LATS2: variants seen among roughly 807,000 people sequenced by gnomAD.
The protein encoded by LATS2 is serine/threonine-protein kinase LATS2.
Under a neutral mutation model 76.0 loss-of-function variants are expected in LATS2, and 24 were observed. The observed-to-expected ratio is 0.32, with a 90% CI of 0.23 to 0.44. LATS2 has a LOEUF of 0.44. Ranked by LOEUF, LATS2 falls within the 20% of genes least tolerant of loss-of-function variation. The pLI is 1.00. For missense variants in LATS2, 1,286 were observed against 1,481.2 expected (o/e 0.87, Z 2.16); for synonymous variants, 692 against 635.4 (o/e 1.09, Z -1.34).
chr13:21,014,593 G>T (rs1000263774), intron 2 of LATS2, among the ~76,000 whole-genome samples: 8 of 152,340 alleles, frequency 5.3e-5, no homozygotes, highest in African/African-American at 1.9e-4. Context: ...GACATGAGAA[G>T]GAACGACGCT....
chr13:20,998,496 G>A (rs767989086), intron 2 of LATS2, among the ~76,000 whole-genome samples: 2 of 152,238 alleles, frequency 1.3e-5, no homozygotes, highest in Non-Finnish European at 2.9e-5. Flanking sequence ...TTGGAGGATT[G>A]CCAGCAGGGT....
At chr13:21,004,926 T>C (rs1164476936) in intron 2 of LATS2, among the ~76,000 whole-genome samples, 2 of 152,144 alleles carry the variant, frequency 1.3e-5, no homozygotes, top group African/African-American at 4.8e-5. Context: ...TGCCAGGCCA[T>C]GAGCATGACT....
intron 1 of LATS2, among the ~76,000 whole-genome samples, chr13:21,052,745 A>G (rs1229322623): frequency 6.6e-6 from 1 of 152,112 alleles, no homozygotes; most frequent in Non-Finnish European, 1.5e-5. Context: ...CACAGAGAAG[A>G]AAAGCTTAAG....
intron 2 of LATS2, among the ~76,000 whole-genome samples, chr13:21,036,881 G>A (rs1872700494): frequency 6.6e-6 from 1 of 152,196 alleles, no homozygotes; most frequent in Non-Finnish European, 1.5e-5. Context: ...CGTTAGCAGG[G>A]TTGGAAGTAT....
chr13:20,989,071 C>T lies in LATS2; in HGVS notation c.709G>A (p.Ala237Thr), dbSNP rs778693659. 6.9e-6 allele frequency: 11 copies of T among 1,589,216 alleles called. No individual in the cohort carries two copies. Among genetic ancestry groups the T allele is most frequent in the Non-Finnish European group, 9.4e-6 (11 of 1,171,162 alleles). Residue 237 changes from alanine to threonine, a missense_variant, in exon 4 of 8, where the codon GCC becomes ACC. Ala to Thr is a moderately conservative substitution (Grantham distance 58). Transcript: ENST00000382592. ...TGTGCCCCTGCTGCCTCTACGCTGG[C>T]ACCGTAGCCCTTGGGTGGGTGCTGG... ...QHQHPPKGYG[A>T]SVEAAGAHFP...
chr13:21,024,093 C>CAAA (rs748881098), intron 2 of LATS2, among the ~76,000 whole-genome samples: 12 of 79,210 alleles, frequency 1.5e-4, no homozygotes, highest in Admixed American at 2.6e-4. Context: ...TCTCGCTGTG[C>CAAA]AAAAAAAAAA....
chr13:21,025,393 C>CA (rs1171981071), intron 2 of LATS2, among the ~76,000 whole-genome samples: 2,257 of 49,528 alleles, frequency 0.046, 49 homozygotes, highest in African/African-American at 0.11. Context: ...ACTCCGTCTC[C>CA]AAAAAAAAAA....
chr13:21,049,214 C>T (rs1290374820), intron 1 of LATS2, among the ~76,000 whole-genome samples: 1 of 152,076 alleles, frequency 6.6e-6, no homozygotes, highest in African/African-American at 2.4e-5. Context: ...ATGGAGGTAT[C>T]CAGAGGCTCA....
In LATS2 at chr13:20,975,190, G is replaced by A. The variant is rs1869544704; in HGVS notation, c.2947C>T (p.Arg983Trp). The change falls in exon 8 of 8, where the codon CGG (arginine) becomes TGG (tryptophan). Residue 983 changes from arginine to tryptophan, a missense_variant. Transcript: ENST00000382592. ...GGAACGTAGGGGGCTGGCTGCTTCCGGATGTCACTGGAGAAGTCAATGGCG... is the reference window on the plus strand; with the variant it reads ...GGAACGTAGGGGGCTGGCTGCTTCCAGATGTCACTGGAGAAGTCAATGGCG... ...FSAIDFSSDI[R>W]KQPAPYVPTI... The A allele has an allele frequency of 1.9e-6, 3 of 1,614,180 alleles. No homozygotes were observed. The highest frequency in any genetic ancestry group is 2.5e-6 in the Non-Finnish European group (3 of 1,180,016).
At chr13:21,008,336 G>T (rs1871440697) in intron 2 of LATS2, among the ~76,000 whole-genome samples, 1 of 152,068 alleles carries the variant, frequency 6.6e-6, no homozygotes, top group African/African-American at 2.4e-5. Context: ...TTGGGCGTGG[G>T]GTGGGGTGGG....
At chr13:21,007,697 ATAGTATGTATAT>A (rs1871382150) in intron 2 of LATS2, among the ~76,000 whole-genome samples, 1 of 844 alleles carries the variant, frequency 1.2e-3, no homozygotes, top group African/African-American at 1.7e-3. Flanking sequence ...ATATATATAT[ATAGTATGTATAT>A]ATATATATAT....
At chr13:20,987,660 G>A (rs958266452) in intron 4 of LATS2, among the ~76,000 whole-genome samples, 1 of 152,204 alleles carries the variant, frequency 6.6e-6, no homozygotes, top group African/African-American at 2.4e-5. Context: ...ATTATGCACA[G>A]CTATCTCTGA....
chr13:21,014,678 C>T (rs1418975909), intron 2 of LATS2, among the ~76,000 whole-genome samples: 2 of 152,234 alleles, frequency 1.3e-5, no homozygotes, highest in African/African-American at 4.8e-5. Context: ...GCAGCCAGCA[C>T]TGCTGCCATC....
At chr13:20,982,105 TTTAGAG>T (rs1314664671) in intron 5 of LATS2, among the ~76,000 whole-genome samples, 4 of 152,198 alleles carry the variant, frequency 2.6e-5, no homozygotes, top group Non-Finnish European at 5.9e-5. Context: ...AATTAAATGA[TTTAGAG>T]TTAGTTTTGA....
chr13:20,979,622 A>G lies in LATS2; in HGVS notation c.2772+69T>C. ...CAGAATAAGAGGGCAAATGCTGACC[A>G]AAGATTCATGGGTACATGAGCAAAT... On this transcript the variant is annotated intron_variant, in intron 7 of 7. Transcript: ENST00000382592. 3.7e-6 allele frequency: 3 copies of G among 804,040 alleles called. No homozygotes were observed. The Admixed American group carries it at 6.2e-5, about 17-fold the overall frequency. The allele number at this position is 804,040 out of a possible 1,614,324, so 49.8% of individuals were successfully genotyped here.
At position 20,991,005 on chromosome 13, in the gene LATS2, T is replaced by C. The variant is rs2138296032; in HGVS notation, c.475+267A>G. ...CATAAAACAAGCACACACCTTCCCC[T>C]AGGTAGGAAGTACTAAGGTAATTTC... On this transcript the variant is annotated intron_variant, in intron 3 of 7. Transcript: ENST00000382592. The surrounding 1 kb of genome is among the most constrained non-coding windows in gnomAD (Gnocchi z 4.9). Among the ~76,000 whole-genome samples, 1 of 152,316 alleles carries C rather than the reference T, an allele frequency of 6.6e-6. No individual in the cohort carries two copies. The highest frequency in any genetic ancestry group is 2.4e-5 in the African/African-American group (1 of 41,568).
chr13:20,999,016 C>T (rs1870905723), intron 2 of LATS2, among the ~76,000 whole-genome samples: 1 of 151,912 alleles, frequency 6.6e-6, no homozygotes, highest in Admixed American at 6.6e-5. Flanking sequence ...ACCTTGTGCA[C>T]GCAGGGCGGG....
chr13:21,003,531 C>A (rs1424256690), intron 2 of LATS2, among the ~76,000 whole-genome samples: 2 of 151,974 alleles, frequency 1.3e-5, no homozygotes, highest in African/African-American at 4.8e-5. Context: ...ACTTCCACCT[C>A]CTGGGCTCAA....
intron 5 of LATS2, among the ~76,000 whole-genome samples, chr13:20,982,805 A>G (rs1869951936): frequency 6.6e-6 from 1 of 150,564 alleles, no homozygotes. Context: ...CAGCCTGACC[A>G]ACACGGAGAA....
Sources: allele counts gnomAD v4.1 joint callset (sites outside exome capture counted in the v4.1 genomes callset), GRCh38; gene constraint gnomAD v4.1.1; non-coding constraint Gnocchi (gnomAD v3.1); transcripts MANE v1.5; gene names NCBI Gene and HGNC (gene_info 2026-07-23, HGNC 2026-07-21).